The following GPAT3 variants were observed in gnomAD, a reference collection of about 807,000 sequenced individuals.
GPAT3 encodes glycerol-3-phosphate acyltransferase 3, also known as 1-AGP acyltransferase 9.
A neutral mutation model predicts 58.8 loss-of-function variants in GPAT3; 53 were observed. The observed-to-expected ratio is 0.90, with a 90% CI of 0.72 to 1.13. The LOEUF is 1.13. GPAT3 is among the 50% of genes most tolerant of loss of function. The probability of loss-of-function intolerance (pLI) is 0.00; values close to 1 mark genes in which losing one functional copy is unlikely to be tolerated. For missense variants in GPAT3, 511 were observed against 527.6 expected (o/e 0.97, Z 0.31); for synonymous variants, 197 against 187.4 (o/e 1.05, Z -0.42).
At chr4:83,563,685 T>C (rs1272116357) in intron 2 of GPAT3, among the ~76,000 whole-genome samples, 1 of 152,040 alleles carries the variant, frequency 6.6e-6, no homozygotes, top group Middle Eastern at 3.2e-3. Flanking sequence ...TTTGCTATGT[T>C]GGCCAGGCTG....
At chr4:83,569,195 A>G (rs11730975) in intron 2 of GPAT3, among the ~76,000 whole-genome samples, 26,804 of 152,220 alleles carry the variant, frequency 0.18, 2,967 homozygotes, top group East Asian at 0.31. Flanking sequence ...TATGCAATTT[A>G]GAGGCCTTCT....
intron 2 of GPAT3, among the ~76,000 whole-genome samples, chr4:83,565,140 G>C (rs1477955513): frequency 6.6e-6 from 1 of 151,666 alleles, no homozygotes; most frequent in Non-Finnish European, 1.5e-5. Flanking sequence ...TTGCTGTGTT[G>C]CCCAGGCTGG....
At chr4:83,555,902 C>A (rs1195518885) in intron 2 of GPAT3, among the ~76,000 whole-genome samples, 1 of 152,152 alleles carries the variant, frequency 6.6e-6, no homozygotes, top group African/African-American at 2.4e-5. Flanking sequence ...GGGAGAAAAA[C>A]CCACACATCT....
intron 11 of GPAT3, among the ~76,000 whole-genome samples, chr4:83,601,053 T>C (rs1187024093): frequency 6.6e-6 from 1 of 152,228 alleles, no homozygotes; most frequent in African/African-American, 2.4e-5. Flanking sequence ...GTTTAAGGTG[T>C]CTGCCTCTCG....
chr4:83,577,369 A>G (rs1725859157), intron 2 of GPAT3, among the ~76,000 whole-genome samples: 1 of 152,252 alleles, frequency 6.6e-6, no homozygotes, highest in Non-Finnish European at 1.5e-5. Flanking sequence ...TTAGATTCTC[A>G]TATTGCATTA....
chr4:83,588,365 C>G, intron 5 of GPAT3, 66 bp downstream of exon 5: 1 of 1,485,046 alleles, frequency 6.7e-7, no homozygotes, highest in Non-Finnish European at 9.4e-7. Flanking sequence ...GACAAGGAAG[C>G]ATTGGAAGTG....
intron 2 of GPAT3, among the ~76,000 whole-genome samples, chr4:83,571,855 C>G: frequency 6.6e-6 from 1 of 151,900 alleles, no homozygotes; most frequent in East Asian, 1.9e-4. Flanking sequence ...TCACTGCAAT[C>G]TCTGCCTCCC....
chr4:83,578,143 A>G (rs945533317), intron 2 of GPAT3, among the ~76,000 whole-genome samples: 1 of 152,176 alleles, frequency 6.6e-6, no homozygotes, highest in African/African-American at 2.4e-5. Context: ...ATAGTGAAGC[A>G]GAACATGTTT....
At chr4:83,557,320 A>G (rs1362215953) in intron 2 of GPAT3, among the ~76,000 whole-genome samples, 5 of 152,196 alleles carry the variant, frequency 3.3e-5, no homozygotes, top group Admixed American at 3.3e-4. Context: ...TTTTGATTCT[A>G]TTCTAATCCC....
rs956588399 is a variant in GPAT3 at position 83,536,504 on chromosome 4, A to T, written c.-119A>T. ...TTTCCTTCCTCTCTTCCCTTCGCAG[A>T]GGTGAGTGCCGGGCTCGGCGCTCTG... On this transcript the variant is annotated 5_prime_UTR_variant, in exon 1 of 12. Transcript: ENST00000264409. 16 of 1,494,574 alleles carry T rather than the reference A, an allele frequency of 1.1e-5. No homozygotes were observed. The Admixed American group carries it at 2.5e-4, about 24-fold the overall frequency. The allele number at this position is 1,494,574 out of a possible 1,614,324, so 92.6% of individuals were successfully genotyped here. A position where few individuals can be genotyped will look rare whatever the true frequency, so the allele number is the denominator to read the frequency against.
chr4:83,598,164 C>T lies in GPAT3; in HGVS notation c.1110C>T (p.Pro370=), dbSNP rs1405312718. The T allele has an allele frequency of 1.9e-6, 3 of 1,612,670 alleles. No homozygotes were observed. Among genetic ancestry groups the T allele is most frequent in the African/African-American group, 2.7e-5 (2 of 74,770 alleles). ...TCGTCTGTGACGTGTGGTACATGCC[C>T]CCCATGACCAGAGAGGTATTCCTTA... is the stretch of plus-strand genomic sequence containing the variant. ...WAIVCDVWYM[P]PMTREEGEDA... is the part of the protein sequence containing the mutation. Residue 370 remains proline, a synonymous_variant, in exon 10 of 12, where the codon CCC becomes CCT. Transcript: ENST00000264409.
intron 2 of GPAT3, among the ~76,000 whole-genome samples, chr4:83,566,844 G>T: frequency 7.1e-6 from 1 of 141,184 alleles, no homozygotes; most frequent in Non-Finnish European, 1.5e-5. Flanking sequence ...CTTAAGAGAT[G>T]TTCTAAAATT....
chr4:83,586,585 CTCTAT>C (rs746633154), intron 3 of GPAT3, among the ~76,000 whole-genome samples: 14 of 152,162 alleles, frequency 9.2e-5, no homozygotes, highest in Non-Finnish European at 1.9e-4. Flanking sequence ...GATTTTTCTT[CTCTAT>C]TAACTAAATC....
At chr4:83,560,140 C>T (rs1348486507) in intron 2 of GPAT3, among the ~76,000 whole-genome samples, 1 of 152,178 alleles carries the variant, frequency 6.6e-6, no homozygotes, top group Admixed American at 6.5e-5. Context: ...TCTGTTTCCT[C>T]CAAAGATTGG....
rs1157055824 is a variant in GPAT3, at chr4:83,582,783, G to GT, written c.479+953dup. ...AAGAAATTATTTCTGGGTTGTTGTT[G>GT]TTGTTTTTTTTTGCCCATATTGCTA... On this transcript the variant is annotated intron_variant, in intron 3 of 11. Transcript: ENST00000264409. Among the ~76,000 whole-genome samples the GT allele has an allele frequency of 1.3e-3, 188 of 144,772 alleles. 2 individuals carry two copies. In the South Asian group the frequency reaches 0.018, roughly 14 times the overall value. 95.0% of individuals were successfully genotyped at this position (144,772 alleles called of 152,430 possible). A position where few individuals can be genotyped will look rare whatever the true frequency, so the allele number is the denominator to read the frequency against.
At chr4:83,543,675 A>G (rs1328673445) in intron 1 of GPAT3, among the ~76,000 whole-genome samples, 10 of 151,052 alleles carry the variant, frequency 6.6e-5, no homozygotes, top group Non-Finnish European at 1.5e-4. Flanking sequence ...AGAGAGTCTC[A>G]CTCTGTTGCC....
At chr4:83,603,362 G>A (rs1233260845) in intron 11 of GPAT3, among the ~76,000 whole-genome samples, 2 of 152,182 alleles carry the variant, frequency 1.3e-5, no homozygotes, top group Non-Finnish European at 2.9e-5. Flanking sequence ...AAGATTTACA[G>A]GCTCTGAATG....
intron 11 of GPAT3, among the ~76,000 whole-genome samples, chr4:83,600,927 T>G (rs781435): frequency 0.017 from 2,660 of 152,270 alleles, 77 homozygotes; most frequent in African/African-American, 0.061. Flanking sequence ...CAAAAACACT[T>G]TGCAAGAAAA....
intron 1 of GPAT3, among the ~76,000 whole-genome samples, chr4:83,541,962 A>G (rs1453775724): frequency 6.6e-6 from 1 of 152,182 alleles, no homozygotes; most frequent in Non-Finnish European, 1.5e-5. Context: ...AGATTGGATT[A>G]GGGCCCACCC....
Sources: gnomAD v4.1 joint callset for allele counts (sites outside exome capture counted in the v4.1 genomes callset) on GRCh38, gnomAD v4.1.1 for gene constraint, MANE v1.5 for transcripts, NCBI Gene and HGNC (gene_info 2026-07-23, HGNC 2026-07-21) for gene names.